Variants in ABCG1 observed in about 807,000 individuals in gnomAD.
The protein encoded by ABCG1 is ATP binding cassette subfamily G member 1, also known as ATP-binding cassette sub-family G member 1.
In ABCG1, 29 loss-of-function variants were observed where a neutral mutation model predicts 69.2. That is an observed-to-expected ratio of 0.42 (90% confidence interval 0.31 to 0.57). The LOEUF is 0.57. Ranked by LOEUF, ABCG1 falls within the 20% of genes least tolerant of loss-of-function variation. The pLI, the probability that ABCG1 is intolerant of heterozygous loss-of-function variation, is 0.15. For synonymous variants in ABCG1, 370 were observed against 374.8 expected (o/e 0.99, Z 0.15); for missense variants, 718 against 898.1 (o/e 0.80, Z 2.56).
upstream of ABCG1, among the ~76,000 whole-genome samples, chr21:42,215,660 G>C (rs2067631867): frequency 6.6e-6 from 1 of 152,228 alleles, no homozygotes; most frequent in Non-Finnish European, 1.5e-5. Flanking sequence ...CCCATCCCGA[G>C]AAGGGGAAAG....
At chr21:42,284,422 G>C in intron 6 of ABCG1, 138 bp from the exon 7 acceptor site, 2 of 1,063,196 alleles carry the variant, frequency 1.9e-6, no homozygotes, top group Non-Finnish European at 2.7e-6. Flanking sequence ...AGCAGAGCCC[G>C]GCCTGGGACG....
rs149589879 is a variant in ABCG1, at chr21:42,243,709, G to A, written c.286+17795G>A. Among the ~76,000 whole-genome samples, 755 of 152,158 alleles carry A rather than the reference G, an allele frequency of 5.0e-3. 7 individuals are homozygous for A. The highest frequency in any genetic ancestry group is 0.017 in the African/African-American group (687 of 41,498). On this transcript the variant is annotated intron_variant, in intron 2 of 14. Transcript: ENST00000398449. ...GTGGAGAGGTTTTTGCAGGATTCCCGGCGCCCTGTCCAGACAGCGGTGGTG... is the reference window on the plus strand; with the variant it reads ...GTGGAGAGGTTTTTGCAGGATTCCCAGCGCCCTGTCCAGACAGCGGTGGTG...
intron 3 of ABCG1, among the ~76,000 whole-genome samples, chr21:42,271,562 G>A (rs75554338): frequency 6.6e-6 from 1 of 152,214 alleles, no homozygotes; most frequent in African/African-American, 2.4e-5. Flanking sequence ...GAACTGTTTG[G>A]CTGGGGCTTG....
chr21:42,205,212 G>A (rs1486328273), intron 2 of ABCG1, among the ~76,000 whole-genome samples: 1 of 152,152 alleles, frequency 6.6e-6, no homozygotes, highest in African/African-American at 2.4e-5. Context: ...ATGCTTGTGG[G>A]ATCTGTAGTG....
rs2068608760 is a variant in ABCG1, at chr21:42,271,119, G to A, written c.336G>A (p.Glu112=). ...KGISGKFNSG[E]LVAIMGPSGA... is the part of the protein sequence containing the mutation. The stretch of plus-strand genomic sequence containing the variant: ...TTTCCGGGAAGTTCAATAGTGGTGA[G>A]TTGGTGGCCATTATGGGTCCTTCCG... The change falls in exon 3 of 15, where the codon GAG becomes GAA. Residue 112 remains glutamate, a synonymous_variant. Coordinates refer to ENST00000398449, the MANE Select transcript of ABCG1 (RefSeq NM_016818.3). 2 of 1,583,824 alleles carry A rather than the reference G, an allele frequency of 1.3e-6. No homozygotes were observed. Among genetic ancestry groups the A allele is most frequent in the African/African-American group, 2.7e-5 (2 of 73,256 alleles).
intron 2 of ABCG1, among the ~76,000 whole-genome samples, chr21:42,210,322 C>T (rs1451581887): frequency 6.6e-6 from 1 of 152,052 alleles, no homozygotes; most frequent in Non-Finnish European, 1.5e-5. Context: ...TGGGAGGTTC[C>T]TTGGAGGAAA....
intron 2 of ABCG1, chr21:42,260,129 C>T: frequency 6.4e-7 from 1 of 1,550,490 alleles, no homozygotes. Flanking sequence ...CTGGCGATCC[C>T]ATGGAGGAAG....
chr21:42,223,839 T>C (rs1054797036), intron 1 of ABCG1, among the ~76,000 whole-genome samples: 19 of 152,182 alleles, frequency 1.2e-4, no homozygotes, highest in African/African-American at 4.3e-4. Context: ...ATTCACCCTG[T>C]ATTAGTGTGG....
At chr21:42,201,518 C>T in intron 1 of ABCG1, 1 of 1,179,076 alleles carries the variant, frequency 8.5e-7, no homozygotes, top group Non-Finnish European at 1.2e-6. Context: ...ACAGGGTGAG[C>T]TACCCTGAGT....
Position 42,291,751 on chromosome 21 carries a change from A to G in ABCG1, c.1653+95A>G. ...AGGGGGCTCTGCCACCCCTTCCCCT[A>G]CTTCTGCCCTGACCCTCCTAGATGG... On this transcript the variant is annotated intron_variant, in intron 13 of 14. Transcript: ENST00000398449. This position sits in a 1 kb window ranked among gnomAD's most constrained non-coding sequence, Gnocchi z 6.4. The G allele has an allele frequency of 2.2e-6, 3 of 1,375,114 alleles. No homozygotes were observed. The highest frequency in any genetic ancestry group is 1.5e-5 in the South Asian group (1 of 68,084). 85.2% of individuals were successfully genotyped at this position (1,375,114 alleles called of 1,614,324 possible).
intron 2 of ABCG1, among the ~76,000 whole-genome samples, chr21:42,208,212 T>G (rs1227010830): frequency 1.3e-5 from 2 of 150,990 alleles, no homozygotes. Context: ...GAGAGCAGGC[T>G]TTTGTTGGGA....
upstream of ABCG1, among the ~76,000 whole-genome samples, chr21:42,213,272 T>C (rs562533630): frequency 1.3e-5 from 2 of 152,354 alleles, no homozygotes; most frequent in Non-Finnish European, 2.9e-5. Flanking sequence ...CAGAGGTGCC[T>C]GGAGTGCCTG....
intron 2 of ABCG1, among the ~76,000 whole-genome samples, chr21:42,208,358 C>A (rs554378646): frequency 2.6e-5 from 4 of 152,110 alleles, no homozygotes; most frequent in African/African-American, 9.7e-5. Flanking sequence ...GTCCCAAGAA[C>A]CCTGGATGGT....
At chr21:42,266,071 G>A (rs575900351) in intron 2 of ABCG1, among the ~76,000 whole-genome samples, 11 of 152,284 alleles carry the variant, frequency 7.2e-5, no homozygotes, top group South Asian at 2.1e-4. Context: ...GGAGGCCCAC[G>A]TGGGCGGATC....
intron 2 of ABCG1, among the ~76,000 whole-genome samples, chr21:42,233,359 C>T (rs1447854267): frequency 2.0e-5 from 3 of 152,170 alleles, no homozygotes; most frequent in Non-Finnish European, 2.9e-5. Context: ...CCTCCTGCCC[C>T]GTGGAGGGAG....
chr21:42,248,163 A>G (rs112801335), intron 2 of ABCG1, among the ~76,000 whole-genome samples: 1,929 of 152,318 alleles, frequency 0.013, 38 homozygotes, highest in African/African-American at 0.044. Flanking sequence ...CTTATTTGTT[A>G]AACCTGTTCA....
intron 2 of ABCG1, among the ~76,000 whole-genome samples, chr21:42,255,515 C>T (rs1301237378): frequency 6.6e-6 from 1 of 152,182 alleles, no homozygotes; most frequent in East Asian, 1.9e-4. Flanking sequence ...TGTATCATGG[C>T]CTGTGTGTGC....
At chr21:42,208,941 C>A (rs902888223) in intron 2 of ABCG1, among the ~76,000 whole-genome samples, 2 of 152,160 alleles carry the variant, frequency 1.3e-5, no homozygotes, top group East Asian at 3.8e-4. Flanking sequence ...GTGACTGCCC[C>A]AGGCCCTCCT....
rs2068978011 is a variant in ABCG1, at chr21:42,288,016, T to C, written c.1101T>C (p.Leu367=). ...GTGATGCCGAGGTGAACCCTTTTCT[T>C]TGGCACCGGCCCTCTGAAGAGGTAA... is the stretch of plus-strand genomic sequence containing the variant. ...LGGDAEVNPF[L]WHRPSEEDSS... Residue 367 remains leucine, a synonymous_variant, in exon 9 of 15, where the codon CTT becomes CTC. Coordinates refer to ENST00000398449, the MANE Select transcript of ABCG1 (RefSeq NM_016818.3). The surrounding 1 kb of genome is among the most constrained non-coding windows in gnomAD (Gnocchi z 4.8). The C allele has an allele frequency of 6.2e-7, 1 of 1,612,152 alleles. No homozygotes were observed. Among genetic ancestry groups the C allele is most frequent in the Non-Finnish European group, 8.5e-7 (1 of 1,178,828 alleles).
Sources: gnomAD v4.1 joint callset for allele counts (sites outside exome capture counted in the v4.1 genomes callset) on GRCh38, gnomAD v4.1.1 for gene constraint, Gnocchi (gnomAD v3.1) non-coding constraint, MANE v1.5 for transcripts, NCBI Gene and HGNC (gene_info 2026-07-23, HGNC 2026-07-21) for gene names.